The following SORBS2 variants were observed in gnomAD, a reference collection of about 807,000 sequenced individuals.
SORBS2 encodes sorbin and SH3 domain containing 2.
A neutral mutation model predicts 97.7 loss-of-function variants in SORBS2; 46 were observed. The observed-to-expected ratio is 0.47, with a 90% CI of 0.37 to 0.60. The LOEUF is 0.60. Ranked by LOEUF, SORBS2 falls within the 20% of genes least tolerant of loss-of-function variation. The probability of loss-of-function intolerance (pLI) is 0.00; values close to 1 mark genes in which losing one functional copy is unlikely to be tolerated. For synonymous variants in SORBS2, 476 were observed against 473.4 expected (o/e 1.01, Z -0.07); for missense variants, 1,316 against 1,282.3 (o/e 1.03, Z -0.40).
At chr4:185,618,494 G>A in intron 9 of SORBS2, 91 bp downstream of exon 21, 1 of 626,462 alleles carries the variant, frequency 1.6e-6, no homozygotes, top group Non-Finnish European at 2.7e-6. Flanking sequence ...GACCTCATTT[G>A]TAACAGATCC....
chr4:185,776,097 A>G (rs996509000), intron 1 of SORBS2, among the ~76,000 whole-genome samples: 2 of 151,808 alleles, frequency 1.3e-5, no homozygotes, highest in East Asian at 2.0e-4. Context: ...AATAAAAATT[A>G]AGAAGTCGTA....
rs555017895 is a variant in SORBS2 at position 185,895,894 on chromosome 4, G to C, written c.-338+60302C>G. Among the ~76,000 whole-genome samples the C allele has an allele frequency of 1.3e-4, 20 of 152,216 alleles. No individual in the cohort carries two copies. The South Asian group carries it at 4.2e-3, about 32-fold the overall frequency. ...AAAATATTATTATCGGAAAAGTTTG[G>C]TCCCAAATTCTCAGCACAGAATTTC... On this transcript the variant is annotated intron_variant, in intron 1 of 20. Transcript: ENST00000284776.
chr4:185,869,422 C>A (rs1029971688), intron 1 of SORBS2, among the ~76,000 whole-genome samples: 2 of 152,138 alleles, frequency 1.3e-5, no homozygotes, highest in African/African-American at 4.8e-5. Flanking sequence ...CACTGTATGA[C>A]CCCTGTCTCA....
At position 185,689,275 on chromosome 4, in the gene SORBS2, G is replaced by C. The variant is rs74406137; in HGVS notation, c.-197-10453C>G. Among the ~76,000 whole-genome samples the C allele has an allele frequency of 1.5e-3, 236 of 152,280 alleles. 4 individuals are homozygous for C. In the East Asian group the frequency reaches 0.032, roughly 21 times the overall value. On this transcript the variant is annotated intron_variant, in intron 2 of 20. Transcript: ENST00000284776. ...AAGTCTACAGGGAAATGTCTTGGAA[G>C]GATCAGGAAATATCACTTCCTCATG...
At chr4:185,731,102 C>T (rs1201751171) in intron 2 of SORBS2, among the ~76,000 whole-genome samples, 1 of 151,914 alleles carries the variant, frequency 6.6e-6, no homozygotes, top group Non-Finnish European at 1.5e-5. Flanking sequence ...TAACTCAGTC[C>T]CAATGGTTAA....
intron 1 of SORBS2, among the ~76,000 whole-genome samples, chr4:185,777,619 C>T (rs2099006287): frequency 6.6e-6 from 1 of 152,142 alleles, no homozygotes; most frequent in Non-Finnish European, 1.5e-5. Context: ...TAATGTCTGA[C>T]ACACAGCAAG....
chr4:185,933,867 T>C (rs2099267624), intron 1 of SORBS2, among the ~76,000 whole-genome samples: 1 of 152,208 alleles, frequency 6.6e-6, no homozygotes, highest in Non-Finnish European at 1.5e-5. Context: ...GTAGGCCACC[T>C]GATATGAAGA....
intron 12 of SORBS2, among the ~76,000 whole-genome samples, chr4:185,595,593 C>T (rs1487208198): frequency 6.6e-6 from 1 of 152,122 alleles, no homozygotes; most frequent in South Asian, 2.1e-4. Flanking sequence ...GATTTGTATA[C>T]ATCAATTGCC....
chr4:185,738,524 C>T (rs2098702649), intron 2 of SORBS2, among the ~76,000 whole-genome samples: 1 of 152,154 alleles, frequency 6.6e-6, no homozygotes, highest in African/African-American at 2.4e-5. Context: ...CATAAAAAAA[C>T]TATTTTCTTT....
intron 1 of SORBS2, among the ~76,000 whole-genome samples, chr4:185,893,809 T>TA (rs1287853382): frequency 6.6e-6 from 1 of 152,218 alleles, no homozygotes; most frequent in African/African-American, 2.4e-5. Context: ...GGTGTCTTGT[T>TA]ATGTGGATAA....
intron 1 of SORBS2, among the ~76,000 whole-genome samples, chr4:185,811,437 G>T (rs2099184175): frequency 6.6e-6 from 1 of 152,134 alleles, no homozygotes; most frequent in African/African-American, 2.4e-5. Context: ...AAACCCCAAA[G>T]CATATCGGTC....
At chr4:185,677,576 C>G in intron 4 of SORBS2, 1 of 1,541,836 alleles carries the variant, frequency 6.5e-7, no homozygotes, top group South Asian at 1.2e-5. Flanking sequence ...AAATGACACC[C>G]TTTGTGTGAC....
intron 2 of SORBS2, among the ~76,000 whole-genome samples, chr4:185,714,012 G>A (rs1012218379): frequency 1.3e-5 from 2 of 152,122 alleles, no homozygotes; most frequent in African/African-American, 4.8e-5. Context: ...TTCTAGAAAT[G>A]GGATGGAACA....
rs549385828 is a variant in SORBS2, at chr4:185,691,775, C to T, written c.-197-12953G>A. Among the ~76,000 whole-genome samples the T allele has an allele frequency of 1.1e-4, 17 of 151,854 alleles. No individual in the cohort carries two copies. The East Asian group carries it at 2.7e-3, about 24-fold the overall frequency. On this transcript the variant is annotated intron_variant, in intron 2 of 20. Coordinates refer to the SORBS2 transcript ENST00000284776. ...AAGTTTTTTTTTTTGAGATGAGTCT[C>T]GCTCTGTCGCCCAGGCTGGAGTGCA...
chr4:185,712,027 A>G (rs2098424908), intron 2 of SORBS2, among the ~76,000 whole-genome samples: 1 of 152,214 alleles, frequency 6.6e-6, no homozygotes, highest in Non-Finnish European at 1.5e-5. Flanking sequence ...TCCTACTGAT[A>G]TGAACAGAAG....
At chr4:185,602,330 G>T (rs1247091480) in intron 12 of SORBS2, among the ~76,000 whole-genome samples, 1 of 152,102 alleles carries the variant, frequency 6.6e-6, no homozygotes, top group Non-Finnish European at 1.5e-5. Context: ...TTTTTGTTAT[G>T]AAAAAATCAT....
intron 1 of SORBS2, among the ~76,000 whole-genome samples, chr4:185,881,731 A>C (rs1242480942): frequency 6.6e-6 from 1 of 152,198 alleles, no homozygotes; most frequent in Non-Finnish European, 1.5e-5. Flanking sequence ...TTGAAACTAA[A>C]ACTAAATTAT....
chr4:185,677,863 A>C (rs2097816455), intron 4 of SORBS2, among the ~76,000 whole-genome samples: 2 of 152,136 alleles, frequency 1.3e-5, no homozygotes, highest in Non-Finnish European at 2.9e-5. Flanking sequence ...TTGGGGAAAA[A>C]AGTGTTGCCA....
chr4:185,656,741 A>T (rs1581970895), exon 1 of SORBS2: 1 of 1,537,418 alleles, frequency 6.5e-7, no homozygotes, highest in Non-Finnish European at 8.8e-7. Context: ...TGCCTCTGCT[A>T]CTGCTGCGTT....
Sources: allele counts gnomAD v4.1 joint callset (sites outside exome capture counted in the v4.1 genomes callset), GRCh38; gene constraint gnomAD v4.1.1; transcripts MANE v1.5; gene names NCBI Gene and HGNC (gene_info 2026-07-23, HGNC 2026-07-21).